ARHGEF12: variants seen among roughly 807,000 people sequenced by gnomAD.
ARHGEF12 encodes KMT2A/ARHGEF12 fusion protein.
A neutral mutation model predicts 211.2 loss-of-function variants in ARHGEF12; 66 were observed. The ratio of observed to expected loss-of-function variants is 0.31; its 90% CI spans 0.26 to 0.38. The LOEUF is 0.38. ARHGEF12 is among the 10% of genes least tolerant of loss of function. ARHGEF12 has a pLI of 1.00. For missense variants in ARHGEF12, 1,429 were observed against 1,869.5 expected, an observed-to-expected ratio of 0.76 and a Z score of 4.34; for synonymous variants, 592 against 638.4, an observed-to-expected ratio of 0.93 and a Z score of 1.09.
At chr11:120,351,453 A>T (rs1163973018) in intron 1 of ARHGEF12, among the ~76,000 whole-genome samples, 329 of 3,620 alleles carry the variant, frequency 0.091, 22 homozygotes, top group South Asian at 0.52. Context: ...ATATATATAT[A>T]TATTTTTTTT....
intron 34 of ARHGEF12, chr11:120,476,995 T>A: frequency 1.7e-6 from 1 of 596,686 alleles, no homozygotes; most frequent in Non-Finnish European, 2.9e-6. Flanking sequence ...TTTTAATGTG[T>A]CCATAGATTT....
rs1215653778 is a variant in ARHGEF12 at position 120,487,516 on chromosome 11, G to T, written c.*2439G>T. 3 of 214,520 alleles carry T rather than the reference G, an allele frequency of 1.4e-5. No individual in the cohort carries two copies. Among genetic ancestry groups the T allele is most frequent in the Non-Finnish European group, 2.8e-5 (3 of 106,320 alleles). 13.3% of individuals were successfully genotyped at this position (214,520 alleles called of 1,614,324 possible). A position where few individuals can be genotyped will look rare whatever the true frequency, so the allele number is the denominator to read the frequency against. ...TTGGCCATTATAGTCACATCCGTTT[G>T]ACTTTGGTTGTGACATCTTCCTTTC... On this transcript the variant is annotated 3_prime_UTR_variant, in exon 41 of 41. Coordinates refer to ENST00000397843, the MANE Select transcript of ARHGEF12 (RefSeq NM_015313.3).
chr11:120,421,042 TAGAA>T (rs576840146), intron 5 of ARHGEF12, among the ~76,000 whole-genome samples, 191 bp downstream of exon 5: 28 of 152,366 alleles, frequency 1.8e-4, no homozygotes, highest in African/African-American at 5.0e-4. Flanking sequence ...TTGTACTTGT[TAGAA>T]AGAAATCAGT....
At chr11:120,405,425 T>A (rs779548598) in intron 1 of ARHGEF12, among the ~76,000 whole-genome samples, 1 of 152,198 alleles carries the variant, frequency 6.6e-6, no homozygotes, top group South Asian at 2.1e-4. Context: ...AATGCTGTAG[T>A]TCTTTCAGCT....
At chr11:120,458,340 T>C in intron 25 of ARHGEF12, 106 bp downstream of exon 25, 1 of 1,328,922 alleles carries the variant, frequency 7.5e-7, no homozygotes, top group East Asian at 2.4e-5. Context: ...CCTAGCCTTT[T>C]GTTTTAAACA....
Position 120,453,026 on chromosome 11 carries a change from A to G in ARHGEF12, c.2056+1302A>G, listed in dbSNP as rs532537513. Among the ~76,000 whole-genome samples, 900 of 148,660 alleles carry G rather than the reference A, an allele frequency of 6.1e-3. 6 individuals are homozygous for G. The highest frequency in any genetic ancestry group is 0.01 in the Non-Finnish European group (683 of 67,176). ...AAAAACAAAAACAAAAACAAAAAAA[A>G]ACGACAAGATAATGGTCCAAAAATC... is the stretch of plus-strand genomic sequence containing the variant. On this transcript the variant is annotated intron_variant, in intron 22 of 40. Transcript: ENST00000397843.
chr11:120,402,546 C>G (rs1828009970), intron 1 of ARHGEF12, among the ~76,000 whole-genome samples: 2 of 152,128 alleles, frequency 1.3e-5, no homozygotes, highest in Non-Finnish European at 2.9e-5. Context: ...TAACCACTAT[C>G]CAATGTAAGA....
intron 1 of ARHGEF12, among the ~76,000 whole-genome samples, chr11:120,346,653 G>A (rs914684258): frequency 6.6e-6 from 1 of 152,158 alleles, no homozygotes; most frequent in South Asian, 2.1e-4. Context: ...ACATCAACAA[G>A]TTCAGTAAAT....
intron 31 of ARHGEF12, among the ~76,000 whole-genome samples, chr11:120,473,801 A>T (rs1056968709): frequency 6.6e-6 from 1 of 152,240 alleles, no homozygotes; most frequent in East Asian, 1.9e-4. Context: ...CAGAAGCATA[A>T]AAGTTGGAAC....
intron 1 of ARHGEF12, among the ~76,000 whole-genome samples, chr11:120,397,526 C>G (rs1001497057): frequency 2.6e-5 from 4 of 152,052 alleles, no homozygotes; most frequent in African/African-American, 9.7e-5. Flanking sequence ...AAAATTAGAC[C>G]CAGCCTAAAT....
Position 120,424,338 on chromosome 11 carries a change from C to T in ARHGEF12, c.349-20C>T. On this transcript the variant is annotated intron_variant, in intron 6 of 40. Coordinates refer to ENST00000397843, the MANE Select transcript of ARHGEF12 (RefSeq NM_015313.3). ...CTCAATAGAATGTATCTGACATACA[C>T]TACTTTCGTTTTCTTACAGGTGAAT... is the stretch of plus-strand genomic sequence containing the variant. 1 of 1,600,170 alleles carries T rather than the reference C, an allele frequency of 6.2e-7. No individual in the cohort carries two copies. Among genetic ancestry groups the T allele is most frequent in the Non-Finnish European group, 8.6e-7 (1 of 1,168,358 alleles).
chr11:120,399,321 CAAAA>C (rs71050743), intron 1 of ARHGEF12, among the ~76,000 whole-genome samples: 57 of 36,494 alleles, frequency 1.6e-3, no homozygotes, highest in African/African-American at 2.6e-3. Flanking sequence ...ACATTGTCTC[CAAAA>C]AAAAAAAAAA....
rs771067107 is a variant in ARHGEF12 at position 120,449,101 on chromosome 11, A to G, written c.1738-8A>G. 6.2e-7 allele frequency: 1 copy of G among 1,611,726 alleles called. No homozygotes were observed. Among genetic ancestry groups the G allele is most frequent in the Non-Finnish European group, 8.5e-7 (1 of 1,178,684 alleles). ...ACGTATCTCTTATTTTTTGTACTTC[A>G]ACTCTAGCAAAGTATGAAGAAAGAT... On this transcript the variant is annotated splice_polypyrimidine_tract_variant and splice_region_variant and intron_variant, in intron 20 of 40. Coordinates refer to ENST00000397843, the MANE Select transcript of ARHGEF12 (RefSeq NM_015313.3).
chr11:120,482,116 G>T (rs1591649322), intron 39 of ARHGEF12, among the ~76,000 whole-genome samples: 1 of 152,314 alleles, frequency 6.6e-6, no homozygotes, highest in East Asian at 1.9e-4. Context: ...TCTGTGAACT[G>T]TGTGTTTGTA....
intron 1 of ARHGEF12, among the ~76,000 whole-genome samples, chr11:120,360,419 G>T (rs1000135505): frequency 4.6e-5 from 7 of 151,938 alleles, no homozygotes; most frequent in Non-Finnish European, 7.4e-5. Flanking sequence ...TTGAGACAAG[G>T]TCTCACTCTG....
Position 120,477,518 on chromosome 11 carries a change from A to C in ARHGEF12, c.3524A>C (p.Gln1175Pro). ...CATGGCATTTCAGTCACTGGTTTGC[A>C]GAGTCCAGGTACACTCTTCTGAAGA... ...EQHGISVTGL[Q>P]SPDRDLGLES... Residue 1175 changes from glutamine to proline, a missense_variant, in exon 36 of 41, where the codon CAG becomes CCG. Physicochemically the swap from Gln to Pro is moderately conservative, Grantham distance 76. This residue lies in a region of ARHGEF12 where 467 missense variants were observed against 468.4 expected (regional missense o/e 1.00). Transcript: ENST00000397843. 4 of 1,612,046 alleles carry C rather than the reference A, an allele frequency of 2.5e-6. No individual in the cohort carries two copies. The highest frequency in any genetic ancestry group is 3.4e-6 in the Non-Finnish European group (4 of 1,179,684).
intron 1 of ARHGEF12, among the ~76,000 whole-genome samples, chr11:120,362,438 G>A (rs1033912552): frequency 6.6e-6 from 1 of 152,158 alleles, no homozygotes; most frequent in South Asian, 2.1e-4. Context: ...GTGTCTGAAT[G>A]CTTCTACTTC....
intron 1 of ARHGEF12, among the ~76,000 whole-genome samples, chr11:120,382,112 A>G (rs1943894274): frequency 6.6e-6 from 1 of 152,126 alleles, no homozygotes; most frequent in Admixed American, 6.5e-5. Context: ...AGTTACTTTC[A>G]GTTTTTGGCA....
chr11:120,407,081 A>G (rs975952584), intron 2 of ARHGEF12, among the ~76,000 whole-genome samples: 3 of 152,210 alleles, frequency 2.0e-5, no homozygotes, highest in Non-Finnish European at 4.4e-5. Flanking sequence ...TAGTGTCAGC[A>G]TAGTCCAGGA....
Sources: gnomAD v4.1 joint callset for allele counts (sites outside exome capture counted in the v4.1 genomes callset) on GRCh38, gnomAD v4.1.1 for gene constraint, gnomAD v4.1.1 regional missense constraint, MANE v1.5 for transcripts, NCBI Gene and HGNC (gene_info 2026-07-23, HGNC 2026-07-21) for gene names.